Variants in RORA observed in about 807,000 individuals in gnomAD.
RORA encodes RAR related orphan receptor A.
Under a neutral mutation model 69.5 loss-of-function variants are expected in RORA, and 7 were observed. That is an observed-to-expected ratio of 0.10 (90% CI 0.06 to 0.19). RORA has a LOEUF of 0.19. Among genes scored for constraint, RORA ranks in the 10% least tolerant of loss-of-function variants. The probability of loss-of-function intolerance (pLI) is 1.00; values close to 1 mark genes in which losing one functional copy is unlikely to be tolerated. For missense variants in RORA, 457 were observed against 663.0 expected (o/e 0.69, Z 3.41); for synonymous variants, 261 against 240.8 (o/e 1.08, Z -0.78).
intron 1 of RORA, among the ~76,000 whole-genome samples, chr15:60,827,498 A>G (rs2072981217): frequency 6.6e-6 from 1 of 152,228 alleles, no homozygotes; most frequent in Non-Finnish European, 1.5e-5. Context: ...GTCTGAAAAA[A>G]TATGTTTTAT....
rs1293477630 is a variant in RORA, at chr15:60,516,145, AT to A, written c.283-1389del. 1.4e-4 allele frequency among the ~76,000 whole-genome samples: 9 copies of A among 66,586 alleles called. 1 individual carries two copies. Among genetic ancestry groups the A allele is most frequent in the Non-Finnish European group, 2.1e-4 (8 of 37,436 alleles). 43.7% of individuals were successfully genotyped at this position (66,586 alleles called of 152,430 possible). A position where few individuals can be genotyped will look rare whatever the true frequency, so the allele number is the denominator to read the frequency against. On this transcript the variant is annotated intron_variant, in intron 3 of 10. Transcript: ENST00000335670. ...TATTATATTAAATATATTTATATAT[AT>A]TTATATATATATATTTATATATATA...
intron 1 of RORA, among the ~76,000 whole-genome samples, chr15:60,852,107 C>A (rs531779788): frequency 6.6e-6 from 1 of 152,312 alleles, no homozygotes; most frequent in South Asian, 2.1e-4. Flanking sequence ...GGCACACCAG[C>A]GCTTGAACCT....
At chr15:60,650,848 C>G (rs1366331514) in intron 2 of RORA, 3 of 152,144 alleles carry the variant, frequency 2.0e-5, no homozygotes, top group Non-Finnish European at 2.9e-5. Flanking sequence ...TGCCATTTAT[C>G]CTCATAACCA....
At chr15:60,893,679 G>T (rs1477543791) in intron 1 of RORA, among the ~76,000 whole-genome samples, 3 of 152,184 alleles carry the variant, frequency 2.0e-5, no homozygotes, top group Admixed American at 6.5e-5. Flanking sequence ...AAGGAAGGAA[G>T]AAGTGGGTGA....
At position 61,040,147 on chromosome 15, in the gene RORA, TATATATATATATATATAA is replaced by T. The variant is rs1335031278; in HGVS notation, c.166+188888_166+188905del. Among the ~76,000 whole-genome samples, 4 of 105,088 alleles carry T rather than the reference TATATATATATATATATAA, an allele frequency of 3.8e-5. No individual in the cohort carries two copies. The East Asian group carries it at 1.3e-3, about 35-fold the overall frequency. The allele number at this position is 105,088 out of a possible 152,430, so 68.9% of individuals were successfully genotyped here. ...ATATATATATATATATATATATATATATATATATATATATATAAAATATATGAAATATACATTATAGTG... is the reference window on the plus strand; with the variant it reads ...ATATATATATATATATATATATATATAATATATGAAATATACATTATAGTG... On this transcript the variant is annotated intron_variant, in intron 1 of 10. Coordinates refer to ENST00000335670, the MANE Select transcript of RORA (RefSeq NM_134261.3).
intron 1 of RORA, among the ~76,000 whole-genome samples, chr15:60,884,687 T>C (rs1422671145): frequency 2.0e-5 from 3 of 152,192 alleles, no homozygotes; most frequent in Non-Finnish European, 4.4e-5. Context: ...GTCTGGAGTT[T>C]ATTGACTCTA....
At chr15:60,951,963 C>G (rs2140334809) in intron 1 of RORA, among the ~76,000 whole-genome samples, 1 of 149,746 alleles carries the variant, frequency 6.7e-6, no homozygotes, top group South Asian at 2.2e-4. Context: ...ATTCTGATAC[C>G]AAAGCCAGGC....
chr15:60,558,344 T>C (rs1205155153), intron 2 of RORA: 2 of 1,365,864 alleles, frequency 1.5e-6, no homozygotes, highest in Non-Finnish European at 2.1e-6. Context: ...AAAAAGCTAC[T>C]AATGGGCATT....
intron 1 of RORA, among the ~76,000 whole-genome samples, chr15:60,887,999 A>T (rs537791863): frequency 2.0e-4 from 30 of 152,346 alleles, no homozygotes; most frequent in Admixed American, 1.5e-3. Flanking sequence ...GCCAATAAAA[A>T]GTAGCTCCAG....
chr15:61,173,647 C>T (rs1486193963), intron 1 of RORA, among the ~76,000 whole-genome samples: 1 of 152,192 alleles, frequency 6.6e-6, no homozygotes, highest in African/African-American at 2.4e-5. Context: ...TACGGAATGA[C>T]ATTCAAGCCT....
At position 61,143,462 on chromosome 15, in the gene RORA, A is replaced by G. The variant is rs1279097178; in HGVS notation, c.166+85591T>C. On this transcript the variant is annotated intron_variant, in intron 1 of 10. Coordinates refer to ENST00000335670, the MANE Select transcript of RORA (RefSeq NM_134261.3). The stretch of plus-strand genomic sequence containing the variant: ...ATGTTAATTCTAAATTGCACCTGAG[A>G]AATTAACCTGTGAGCATTGCCAGTA... Among the ~76,000 whole-genome samples the G allele has an allele frequency of 9.8e-5, 15 of 152,312 alleles. No homozygotes were observed. In the East Asian group the frequency reaches 2.7e-3, roughly 27 times the overall value.
intron 1 of RORA, among the ~76,000 whole-genome samples, chr15:61,184,009 G>C (rs2079714866): frequency 6.6e-6 from 1 of 152,074 alleles, no homozygotes; most frequent in South Asian, 2.1e-4. Context: ...TGTTAATTCA[G>C]AGGGCTGAAC....
At chr15:61,117,557 T>C (rs963017567) in intron 1 of RORA, among the ~76,000 whole-genome samples, 8 of 152,204 alleles carry the variant, frequency 5.3e-5, no homozygotes, top group Non-Finnish European at 8.8e-5. Flanking sequence ...AACTGTAACC[T>C]TTACTTCGAA....
At position 61,162,981 on chromosome 15, in the gene RORA, T is replaced by C. The variant is rs2079509225; in HGVS notation, c.166+66072A>G. Among the ~76,000 whole-genome samples the C allele has an allele frequency of 3.3e-5, 5 of 152,222 alleles. 1 individual carries two copies. In the South Asian group the frequency reaches 1.0e-3, roughly 32 times the overall value. Reference sequence around the variant, plus strand: ...TCACCGCACTCAGCAGAACGATTCATAAGGTGCAAGGACCTGATTTATGTT... The same window carrying C: ...TCACCGCACTCAGCAGAACGATTCACAAGGTGCAAGGACCTGATTTATGTT... On this transcript the variant is annotated intron_variant, in intron 1 of 10. Coordinates refer to ENST00000335670, the MANE Select transcript of RORA (RefSeq NM_134261.3).
intron 2 of RORA, chr15:60,627,339 C>T (rs1249782155): frequency 6.2e-7 from 1 of 1,614,190 alleles, no homozygotes; most frequent in East Asian, 2.2e-5. Context: ...TTGCCTCAGT[C>T]TCTAAGTCAC....
intron 1 of RORA, among the ~76,000 whole-genome samples, chr15:60,708,611 A>G (rs2140805251): frequency 6.6e-6 from 1 of 152,270 alleles, no homozygotes; most frequent in African/African-American, 2.4e-5. Context: ...ACACTTGCAC[A>G]AAAATTATTG....
intron 1 of RORA, among the ~76,000 whole-genome samples, chr15:61,087,986 C>A (rs2078650222): frequency 6.6e-6 from 1 of 152,236 alleles, no homozygotes; most frequent in African/African-American, 2.4e-5. Context: ...TCCTAAAGTT[C>A]CAGTCATCTG....
intron 2 of RORA, among the ~76,000 whole-genome samples, chr15:60,587,398 C>G (rs1456943784): frequency 6.6e-6 from 1 of 152,142 alleles, no homozygotes; most frequent in Non-Finnish European, 1.5e-5. Context: ...TTTCCACTAA[C>G]TAGAGACAAA....
intron 1 of RORA, among the ~76,000 whole-genome samples, chr15:61,062,977 A>T (rs923569127): frequency 1.3e-5 from 2 of 152,214 alleles, no homozygotes; most frequent in Admixed American, 6.5e-5. Flanking sequence ...CAGTTGGAGT[A>T]TATTTCCTGA....
Sources: allele counts gnomAD v4.1 joint callset (sites outside exome capture counted in the v4.1 genomes callset), GRCh38; gene constraint gnomAD v4.1.1; transcripts MANE v1.5; gene names NCBI Gene and HGNC (gene_info 2026-07-23, HGNC 2026-07-21).